The following EIPR1 variants were observed in gnomAD, a reference collection of about 807,000 sequenced individuals.
EIPR1 encodes the protein EARP and GARP complex-interacting protein 1.
EIPR1 carries 25 observed loss-of-function variants against 48.1 expected under a neutral mutation model. The ratio of observed to expected loss-of-function variants is 0.52; its 90% CI spans 0.38 to 0.73. EIPR1 has a LOEUF of 0.73. EIPR1 is among the 30% of genes least tolerant of loss of function. The pLI, the probability that EIPR1 is intolerant of heterozygous loss-of-function variation, is 0.00. For synonymous variants in EIPR1, 204 were observed against 201.9 expected, an observed-to-expected ratio of 1.01 and a Z score of -0.09; for missense variants, 415 against 506.2, an observed-to-expected ratio of 0.82 and a Z score of 1.73.
Position 3,354,585 on chromosome 2 carries a change from A to G in EIPR1, c.91T>C (p.Leu31=). 6.2e-7 allele frequency: 1 copy of G among 1,614,162 alleles called. No homozygotes were observed. Among genetic ancestry groups the G allele is most frequent in the Non-Finnish European group, 8.5e-7 (1 of 1,180,006 alleles). The change falls in exon 2 of 9, where the codon TTG becomes CTG. Residue 31 remains leucine (L), a synonymous_variant. Transcript: ENST00000382125. The part of the protein sequence containing the change: ...QTAETDAIRF[L]VGTQSLKYDN... ...TATTTAAGAGACTGCGTCCCAACCA[A>G]AAACCGAATGGCATCTGTTTCTGCA...
chr2:3,281,016 A>G (rs578026252), intron 3 of EIPR1, among the ~76,000 whole-genome samples: 1 of 152,114 alleles, frequency 6.6e-6, no homozygotes, highest in Non-Finnish European at 1.5e-5. Flanking sequence ...GCTGTCTCCT[A>G]CGTGGTCCTC....
chr2:3,267,068 A>G (rs1338674535), intron 3 of EIPR1, among the ~76,000 whole-genome samples: 3 of 152,164 alleles, frequency 2.0e-5, no homozygotes, highest in Non-Finnish European at 4.4e-5. Flanking sequence ...ACTGGACCCA[A>G]CACATCACAG....
intron 3 of EIPR1, among the ~76,000 whole-genome samples, chr2:3,296,687 CCTCT>C (rs1001894782): frequency 5.4e-5 from 8 of 149,484 alleles, no homozygotes; most frequent in African/African-American, 1.2e-4. Flanking sequence ...TCCAGCCCGT[CCTCT>C]CTCTGCCTAC....
chr2:3,340,419 A>T (rs1263080111), intron 2 of EIPR1, among the ~76,000 whole-genome samples: 2 of 152,274 alleles, frequency 1.3e-5, no homozygotes, highest in Non-Finnish European at 2.9e-5. Flanking sequence ...AAGTTTCCAC[A>T]GCAGGTTCAG....
intron 4 of EIPR1, among the ~76,000 whole-genome samples, chr2:3,225,157 C>A (rs1474991947): frequency 6.6e-6 from 1 of 151,826 alleles, no homozygotes; most frequent in African/African-American, 2.4e-5. Context: ...GCTTTTTCCC[C>A]CCCAGATTTA....
At chr2:3,314,925 G>C (rs982433737) in intron 3 of EIPR1, among the ~76,000 whole-genome samples, 3 of 151,764 alleles carry the variant, frequency 2.0e-5, no homozygotes, top group Non-Finnish European at 4.4e-5. Flanking sequence ...TGGTCACCCT[G>C]AGGCCTCCCT....
intron 2 of EIPR1, among the ~76,000 whole-genome samples, chr2:3,344,585 C>T (rs74259153): frequency 0.14 from 20,810 of 149,352 alleles, 1,808 homozygotes; most frequent in South Asian, 0.25. Context: ...TAGGAAACTA[C>T]ATCTCTAAGA....
intron 2 of EIPR1, 116 bp downstream of exon 2, chr2:3,354,434 A>G: frequency 1.2e-6 from 1 of 864,758 alleles, no homozygotes; most frequent in Non-Finnish European, 1.8e-6. Context: ...TGAAAGTTTT[A>G]TTTTGTTTAT....
chr2:3,194,823 A>C (rs1312009931), intron 6 of EIPR1, among the ~76,000 whole-genome samples: 1 of 152,176 alleles, frequency 6.6e-6, no homozygotes, highest in Non-Finnish European at 1.5e-5. Flanking sequence ...AGGAAGGACC[A>C]TGCCAGCTGG....
chr2:3,276,032 A>C (rs926855189), intron 3 of EIPR1, among the ~76,000 whole-genome samples: 1 of 152,230 alleles, frequency 6.6e-6, no homozygotes, highest in African/African-American at 2.4e-5. Flanking sequence ...TAAGCAAATA[A>C]GTATTTTAAA....
At chr2:3,339,311 C>G (rs767774983) in intron 2 of EIPR1, among the ~76,000 whole-genome samples, 49 of 152,140 alleles carry the variant, frequency 3.2e-4, no homozygotes, top group Admixed American at 1.6e-3. Flanking sequence ...TTTTGCCTAA[C>G]TAGGTCTGGG....
chr2:3,240,646 A>C (rs1461294345), intron 4 of EIPR1, among the ~76,000 whole-genome samples: 13 of 106,246 alleles, frequency 1.2e-4, no homozygotes, highest in African/African-American at 1.0e-4. Context: ...CCTCCTAAAG[A>C]AAAGCCAGCA....
intron 2 of EIPR1, among the ~76,000 whole-genome samples, chr2:3,343,798 C>T (rs765973357): frequency 3.9e-5 from 6 of 152,066 alleles, no homozygotes; most frequent in Admixed American, 1.3e-4. Context: ...GCCGGGCCAC[C>T]GAGTACAGAG....
intron 5 of EIPR1, among the ~76,000 whole-genome samples, chr2:3,210,318 T>C (rs559697789): frequency 6.6e-6 from 1 of 152,130 alleles, no homozygotes; most frequent in East Asian, 1.9e-4. Context: ...AGGGAACAAC[T>C]CCTCATTCAG....
chr2:3,231,170 A>G (rs999730505), intron 4 of EIPR1, among the ~76,000 whole-genome samples: 1 of 152,242 alleles, frequency 6.6e-6, no homozygotes, highest in Admixed American at 6.5e-5. Context: ...GTATACAGAA[A>G]TGCAACTGAT....
At chr2:3,207,356 G>T (rs981085167) in intron 5 of EIPR1, among the ~76,000 whole-genome samples, 4 of 152,234 alleles carry the variant, frequency 2.6e-5, no homozygotes, top group Non-Finnish European at 5.9e-5. Flanking sequence ...GCTGCAGGAG[G>T]ACTCACTGCC....
rs934254068 is a variant in EIPR1 at position 3,198,590 on chromosome 2, G to A, written c.517-1573C>T. On this transcript the variant is annotated intron_variant, in intron 5 of 8. Coordinates refer to ENST00000382125, the MANE Select transcript of EIPR1 (RefSeq NM_003310.5). ...GGTTCTTTTCTATTTTCCCTGTGTC[G>A]GTCGGTCTGAGAAATAAAGGGAAAG... is the stretch of plus-strand genomic sequence containing the variant. Among the ~76,000 whole-genome samples, 4 of 152,078 alleles carry A rather than the reference G, an allele frequency of 2.6e-5. No homozygotes were observed. The East Asian group carries it at 5.8e-4, about 22-fold the overall frequency.
intron 4 of EIPR1, among the ~76,000 whole-genome samples, chr2:3,217,802 C>G (rs1168762729): frequency 6.6e-6 from 1 of 152,120 alleles, no homozygotes; most frequent in Non-Finnish European, 1.5e-5. Flanking sequence ...TTCCTGGGCC[C>G]CACCCGAGAA....
chr2:3,355,948 G>T (rs1670714789), intron 1 of EIPR1, among the ~76,000 whole-genome samples: 1 of 152,120 alleles, frequency 6.6e-6, no homozygotes, highest in African/African-American at 2.4e-5. Context: ...ATTCAAACAG[G>T]GTCCCTGGGA....
Sources: gnomAD v4.1 joint callset for allele counts (sites outside exome capture counted in the v4.1 genomes callset) on GRCh38, gnomAD v4.1.1 for gene constraint, MANE v1.5 for transcripts, NCBI Gene and HGNC (gene_info 2026-07-23, HGNC 2026-07-21) for gene names.